KIF27: variants seen among roughly 807,000 people sequenced by gnomAD.
KIF27 encodes kinesin-like protein KIF27.
Under a neutral mutation model 141.8 loss-of-function variants are expected in KIF27, and 84 were observed. The observed-to-expected ratio is 0.59, with a 90% CI of 0.50 to 0.71. The LOEUF is 0.71. KIF27 is among the 30% of genes least tolerant of loss of function. The pLI is 0.00. For missense variants in KIF27, 1,306 were observed against 1,628.4 expected, an observed-to-expected ratio of 0.80 and a Z score of 3.41; for synonymous variants, 471 against 569.5, an observed-to-expected ratio of 0.83 and a Z score of 2.46.
chr9:83,891,979 A>T (rs1473417093), intron 5 of KIF27, among the ~76,000 whole-genome samples: 1 of 151,914 alleles, frequency 6.6e-6, no homozygotes, highest in African/African-American at 2.4e-5. Context: ...AAGCAGACAG[A>T]TAGAAGATAG....
intron 3 of KIF27, among the ~76,000 whole-genome samples, chr9:83,906,996 A>T (rs1003883592): frequency 6.6e-6 from 1 of 151,986 alleles, no homozygotes; most frequent in Non-Finnish European, 1.5e-5. Context: ...ATACATTTTT[A>T]AAAAATTATA....
At chr9:83,906,744 CAAA>C (rs565683124) in intron 3 of KIF27, among the ~76,000 whole-genome samples, 2 of 50,046 alleles carry the variant, frequency 4.0e-5, no homozygotes, top group African/African-American at 7.0e-5. Context: ...ACCCTGTCTC[CAAA>C]AAAAAAAAAA....
At chr9:83,873,566 C>A (rs1454553109) in intron 11 of KIF27, among the ~76,000 whole-genome samples, 2 of 152,078 alleles carry the variant, frequency 1.3e-5, no homozygotes, top group Admixed American at 6.6e-5. Flanking sequence ...AAATGTTACA[C>A]CCATCTGAGT....
At chr9:83,912,930 G>A (rs776099172) in intron 2 of KIF27, among the ~76,000 whole-genome samples, 9 of 151,936 alleles carry the variant, frequency 5.9e-5, no homozygotes, top group Non-Finnish European at 1.2e-4. Context: ...CTGAGGCAGG[G>A]CGGATCACTT....
intron 2 of KIF27, among the ~76,000 whole-genome samples, chr9:83,914,922 A>G (rs533153572): frequency 1.3e-5 from 2 of 152,348 alleles, no homozygotes; most frequent in South Asian, 2.1e-4. Context: ...AATTTTTCCT[A>G]CGGTCCCTAA....
intron 5 of KIF27, among the ~76,000 whole-genome samples, chr9:83,896,051 C>CAAAAAAAAAAAAAAA (rs35504224): frequency 3.7e-5 from 2 of 54,524 alleles, no homozygotes; most frequent in East Asian, 1.3e-3. Context: ...GACTCTGTCT[C>CAAAAAAAAAAAAAAA]AAAAAAAAAA....
At chr9:83,844,145 T>C (rs1176936608) in intron 16 of KIF27, among the ~76,000 whole-genome samples, 1 of 152,072 alleles carries the variant, frequency 6.6e-6, no homozygotes. Flanking sequence ...AGCCTACATC[T>C]TTCTCCCATG....
intron 13 of KIF27, among the ~76,000 whole-genome samples, chr9:83,866,809 G>A (rs1950390737): frequency 6.6e-6 from 1 of 151,942 alleles, no homozygotes; most frequent in Admixed American, 6.6e-5. Flanking sequence ...CCAGGAGGCA[G>A]AGGTTGCAGT....
chr9:83,848,070 G>GATATATATGATATATATATATGAT lies in KIF27; in HGVS notation c.3556+2028_3556+2029insATCATATATATATATCATATATAT, dbSNP rs10622451. ...ACATATATCTATATATCATATATAT[G>GATATATATGATATATATATATGAT]ATATATGATATATCATATATATGAT... On this transcript the variant is annotated intron_variant, in intron 16 of 17. Coordinates refer to ENST00000297814, the MANE Select transcript of KIF27 (RefSeq NM_017576.4). Among the ~76,000 whole-genome samples, 2 of 43,240 alleles carry GATATATATGATATATATATATGAT rather than the reference G, an allele frequency of 4.6e-5. 1 individual carries two copies. Among genetic ancestry groups the GATATATATGATATATATATATGAT allele is most frequent in the African/African-American group, 3.3e-4 (2 of 5,992 alleles). The allele number at this position is 43,240 out of a possible 152,430, so 28.4% of individuals were successfully genotyped here. A position where few individuals can be genotyped will look rare whatever the true frequency, so the allele number is the denominator to read the frequency against.
chr9:83,891,196 C>CA (rs1588193951), intron 6 of KIF27, 99 bp downstream of exon 6: 47 of 934,990 alleles, frequency 5.0e-5, no homozygotes, highest in Non-Finnish European at 5.5e-5. Context: ...TAAAATCAAA[C>CA]AAAAAAAATC....
Position 83,866,955 on chromosome 9 carries a change from C to G in KIF27, c.2934+729G>C, listed in dbSNP as rs918616302. On this transcript the variant is annotated intron_variant, in intron 13 of 17. Transcript: ENST00000297814. ...CAATTTTATATTTTATTCACCCCCC[C>G]CCCAAAAAAAGAAACCCCACACCTA... is the stretch of plus-strand genomic sequence containing the variant. Among the ~76,000 whole-genome samples, 5 of 149,842 alleles carry G rather than the reference C, an allele frequency of 3.3e-5. No homozygotes were observed. The East Asian group carries it at 6.0e-4, about 18-fold the overall frequency.
At chr9:83,908,759 T>A in intron 2 of KIF27, 107 bp from the exon 3 acceptor site, 16 of 143,894 alleles carry the variant, frequency 1.1e-4, no homozygotes, top group Non-Finnish European at 1.8e-4. Flanking sequence ...ATATTATAAC[T>A]TTTTTTTTTT....
intron 10 of KIF27, among the ~76,000 whole-genome samples, chr9:83,881,164 T>C (rs1482737591): frequency 3.3e-5 from 5 of 151,986 alleles, no homozygotes; most frequent in Non-Finnish European, 7.4e-5. Context: ...TATTTTAACA[T>C]TTATCTTAAA....
At chr9:83,907,105 A>G (rs1954630361) in intron 3 of KIF27, among the ~76,000 whole-genome samples, 1 of 151,804 alleles carries the variant, frequency 6.6e-6, no homozygotes. Context: ...CCTGGCTAAC[A>G]CGGTGAAACC....
At chr9:83,875,381 A>G (rs56722367) in intron 11 of KIF27, among the ~76,000 whole-genome samples, 25,279 of 152,168 alleles carry the variant, frequency 0.17, 2,339 homozygotes, top group African/African-American at 0.23. Flanking sequence ...CCCCATGAAG[A>G]GAGCAGGGAG....
chr9:83,852,622 G>T (rs576151583), intron 15 of KIF27, among the ~76,000 whole-genome samples: 2 of 152,186 alleles, frequency 1.3e-5, no homozygotes, highest in African/African-American at 4.8e-5. Flanking sequence ...TTATTTCACA[G>T]AATTATAATT....
intron 15 of KIF27, among the ~76,000 whole-genome samples, chr9:83,852,397 G>A (rs1948708480): frequency 6.6e-6 from 1 of 151,094 alleles, no homozygotes; most frequent in Non-Finnish European, 1.5e-5. Flanking sequence ...AGCTTGCACT[G>A]AGCCGAGATC....
intron 2 of KIF27, among the ~76,000 whole-genome samples, chr9:83,914,707 G>C (rs956776804): frequency 1.2e-4 from 19 of 152,154 alleles, no homozygotes; most frequent in Middle Eastern, 3.4e-3. Context: ...TCTTAACAGA[G>C]GACTTGGCTG....
At chr9:83,918,137 T>C (rs1480627797) in intron 1 of KIF27, among the ~76,000 whole-genome samples, 3 of 151,904 alleles carry the variant, frequency 2.0e-5, no homozygotes, top group Admixed American at 6.6e-5. Flanking sequence ...CAGCTCAGCA[T>C]GGTAGTACGC....
Sources: allele counts gnomAD v4.1 joint callset (sites outside exome capture counted in the v4.1 genomes callset), GRCh38; gene constraint gnomAD v4.1.1; transcripts MANE v1.5; gene names NCBI Gene and HGNC (gene_info 2026-07-23, HGNC 2026-07-21).